AMPD3: variants seen among roughly 807,000 people sequenced by gnomAD.
The protein encoded by AMPD3 is adenosine monophosphate deaminase 3.
Under a neutral mutation model 82.3 loss-of-function variants are expected in AMPD3, and 57 were observed. That is an observed-to-expected ratio of 0.69 (90% CI 0.56 to 0.86). AMPD3 has a LOEUF of 0.86. AMPD3 is among the 40% of genes least tolerant of loss of function. The pLI is 0.00. For missense variants in AMPD3, 870 were observed against 1,003.8 expected, an observed-to-expected ratio of 0.87 and a Z score of 1.80; for synonymous variants, 381 against 394.7, an observed-to-expected ratio of 0.97 and a Z score of 0.41.
intron 9 of AMPD3, chr11:10,496,453 G>A (rs549768325): frequency 1.0e-5 from 10 of 985,404 alleles, no homozygotes; most frequent in African/African-American, 5.2e-5. Flanking sequence ...ATGGGCTGGG[G>A]TATGTGGTTT....
rs776564281 is a variant in AMPD3 at position 10,495,670 on chromosome 11, G to C, written c.1367G>C (p.Trp456Ser). The C allele has an allele frequency of 2.0e-5, 32 of 1,614,126 alleles. No individual in the cohort carries two copies. Among genetic ancestry groups the C allele is most frequent in the Non-Finnish European group, 2.2e-5 (26 of 1,180,018 alleles). ...GAGGAGTGGCCCAACCTGGCCTACT[G>C]GTTCATCCAGCACAAGGTCTACTCT... is the stretch of plus-strand genomic sequence containing the variant. ...SPEEWPNLAY[W>S]FIQHKVYSPN... Residue 456 changes from tryptophan (W) to serine (S), a missense_variant, in exon 9 of 15, where the codon TGG becomes TCG. By Grantham distance (177) the Trp-to-Ser change is radical. Coordinates refer to ENST00000396553, the MANE Select transcript of AMPD3 (RefSeq NM_001025389.2).
Position 10,482,146 on chromosome 11 carries a change from C to T in AMPD3, c.510C>T (p.Tyr170=), listed in dbSNP as rs908852358. ...MIREKYARLA[Y]HRFPRITSQY... ...GGGAGAAGTATGCGCGGCTCGCCTA[C>T]CACCGCTTCCCGCGGATCACATCCC... The change falls in exon 4 of 15, where the codon TAC becomes TAT. Residue 170 remains tyrosine (Y), a synonymous_variant. Coordinates refer to ENST00000396553, the MANE Select transcript of AMPD3 (RefSeq NM_001025389.2). 1 of 1,614,104 alleles carries T rather than the reference C, an allele frequency of 6.2e-7. No homozygotes were observed. The highest frequency in any genetic ancestry group is 8.5e-7 in the Non-Finnish European group (1 of 1,180,046).
chr11:10,457,788 G>C (rs35548473), intron 1 of AMPD3, among the ~76,000 whole-genome samples: 1 of 152,108 alleles, frequency 6.6e-6, no homozygotes, highest in Non-Finnish European at 1.5e-5. Context: ...CCAGCTACTC[G>C]GGAGGCTGAG....
At chr11:10,504,060 A>G (rs1217639825) in intron 13 of AMPD3, 3 of 967,860 alleles carry the variant, frequency 3.1e-6, no homozygotes, top group Non-Finnish European at 3.7e-6. Context: ...CACTTATCCT[A>G]TGATCACTTC....
intron 10 of AMPD3, chr11:10,497,886 T>C: frequency 6.2e-6 from 6 of 971,128 alleles, no homozygotes; most frequent in Non-Finnish European, 7.3e-6. Context: ...TATCACCATT[T>C]TGTTGTTAAC....
chr11:10,454,477 G>A (rs116470766), upstream of AMPD3, among the ~76,000 whole-genome samples: 205 of 152,226 alleles, frequency 1.3e-3, no homozygotes, highest in African/African-American at 4.6e-3. Flanking sequence ...TAAGTGCGTC[G>A]GGTTAAACAA....
At chr11:10,494,117 G>A (rs770474114) in intron 7 of AMPD3, among the ~76,000 whole-genome samples, 1 of 152,114 alleles carries the variant, frequency 6.6e-6, no homozygotes, top group Non-Finnish European at 1.5e-5. Context: ...AACAAAATGT[G>A]GTATATCCAT....
chr11:10,478,495 T>G (rs1410079546), intron 2 of AMPD3, 31 bp from the exon 3 acceptor site: 5 of 1,612,820 alleles, frequency 3.1e-6, no homozygotes, highest in Non-Finnish European at 4.2e-6. Flanking sequence ...GCTTCTGATG[T>G]CTCCCACTTT....
chr11:10,467,886 T>C (rs939431369), intron 2 of AMPD3, among the ~76,000 whole-genome samples: 3 of 152,196 alleles, frequency 2.0e-5, no homozygotes, highest in African/African-American at 7.2e-5. Context: ...GAAAAGAATT[T>C]TCAACCCAGA....
At chr11:10,460,847 T>A (rs1406990795) in intron 1 of AMPD3, 1 of 975,816 alleles carries the variant, frequency 1.0e-6, no homozygotes, top group Non-Finnish European at 1.2e-6. Flanking sequence ...AAGGAATCAG[T>A]ATGCGAGGAG....
Position 10,455,352 on chromosome 11 carries a change from G to T in AMPD3, c.-102G>T. The T allele has an allele frequency of 1.0e-6, 1 of 985,410 alleles. No homozygotes were observed. The highest frequency in any genetic ancestry group is 1.2e-6 in the Non-Finnish European group (1 of 829,966). The allele number at this position is 985,410 out of a possible 1,614,324, so 61.0% of individuals were successfully genotyped here. On this transcript the variant is annotated 5_prime_UTR_variant, in exon 1 of 15. Coordinates refer to ENST00000396553, the MANE Select transcript of AMPD3 (RefSeq NM_001025389.2). The stretch of plus-strand genomic sequence containing the variant: ...TGCTTGGTTTTAGAGGATTGCTCCT[G>T]TGGGTCACTTGAGGCAGGCTCCACC...
chr11:10,488,499 A>G (rs7122280), intron 6 of AMPD3: 512,511 of 905,446 alleles, frequency 0.57, 146,151 homozygotes, highest in Admixed American at 0.67. Context: ...CAGTGTGTTG[A>G]CATAACTGCA....
At chr11:10,471,635 A>G (rs1292070752) in intron 2 of AMPD3, among the ~76,000 whole-genome samples, 3 of 152,268 alleles carry the variant, frequency 2.0e-5, no homozygotes, top group Non-Finnish European at 2.9e-5. Flanking sequence ...AAGTGGGCAA[A>G]GGATATGAAC....
At chr11:10,477,885 T>C in intron 2 of AMPD3, 3 of 985,436 alleles carry the variant, frequency 3.0e-6, no homozygotes, top group Non-Finnish European at 3.6e-6. Flanking sequence ...GTAGGTCTGC[T>C]GCCAGCCATG....
Position 10,495,579 on chromosome 11 carries a change from C to T in AMPD3, c.1276C>T (p.Arg426Trp), listed in dbSNP as rs143114453. 3.3e-5 allele frequency: 53 copies of T among 1,612,910 alleles called. No individual in the cohort carries two copies. The East Asian group carries it at 4.5e-4, about 14-fold the overall frequency. The change falls in exon 9 of 15, where the codon CGG becomes TGG. Residue 426 changes from arginine to tryptophan, a missense_variant. Coordinates refer to ENST00000396553, the MANE Select transcript of AMPD3 (RefSeq NM_001025389.2). ...GCTCTTCTTGTGCCAGGAGGTTGCC[C>T]GGGAGCTGGAGGAGAGCAAGTACCA... ...YFARMVKEVA[R>W]ELEESKYQYS... is the part of the protein sequence containing the mutation.
At chr11:10,498,186 G>C (rs1017735325) in intron 10 of AMPD3, among the ~76,000 whole-genome samples, 1 of 152,202 alleles carries the variant, frequency 6.6e-6, no homozygotes, top group African/African-American at 2.4e-5. Context: ...GGCAGCGCAG[G>C]GACTCTGCAC....
intron 5 of AMPD3, among the ~76,000 whole-genome samples, chr11:10,486,326 A>C (rs966853845): frequency 5.9e-5 from 9 of 152,194 alleles, no homozygotes; most frequent in Non-Finnish European, 1.3e-4. Flanking sequence ...ACGTGATTAG[A>C]TGCCAAGGAA....
chr11:10,471,395 A>G (rs1202135666), intron 2 of AMPD3, among the ~76,000 whole-genome samples: 1 of 152,230 alleles, frequency 6.6e-6, no homozygotes, highest in African/African-American at 2.4e-5. Flanking sequence ...AGGCATGGGC[A>G]AAGACTTCAT....
rs371050049 is a variant in AMPD3, at chr11:10,478,004, C to G, written c.222-522C>G. On this transcript the variant is annotated intron_variant, in intron 2 of 14. Transcript: ENST00000396553. ...GATTGGATTCATTGAGCATCCCTCT[C>G]TCTTCTGGCTCCAATGCCCCAAATG... 1.2e-5 allele frequency: 12 copies of G among 985,456 alleles called. No individual in the cohort carries two copies. In the East Asian group the frequency reaches 6.8e-4, roughly 56 times the overall value. The allele number at this position is 985,456 out of a possible 1,614,324, so 61.0% of individuals were successfully genotyped here.
Sources: allele counts gnomAD v4.1 joint callset (sites outside exome capture counted in the v4.1 genomes callset), GRCh38; gene constraint gnomAD v4.1.1; transcripts MANE v1.5; gene names NCBI Gene and HGNC (gene_info 2026-07-23, HGNC 2026-07-21).